Variants in RPTOR observed in about 807,000 individuals in gnomAD.
RPTOR encodes regulatory associated protein of MTOR complex 1.
RPTOR carries 21 observed loss-of-function variants against 169.9 expected under a neutral mutation model. The observed-to-expected ratio is 0.12, with a 90% CI of 0.09 to 0.18. The LOEUF (loss-of-function observed/expected upper bound fraction) is 0.18. Among genes scored for constraint, RPTOR ranks in the 10% least tolerant of loss-of-function variants. RPTOR has a pLI of 1.00. For missense variants in RPTOR, 1,133 were observed against 1,855.9 expected, an observed-to-expected ratio of 0.61 and a Z score of 7.16; for synonymous variants, 732 against 753.2, an observed-to-expected ratio of 0.97 and a Z score of 0.46.
chr17:80,888,736 C>T (rs557149123), intron 17 of RPTOR, among the ~76,000 whole-genome samples: 1 of 152,352 alleles, frequency 6.6e-6, no homozygotes, highest in East Asian at 1.9e-4. Flanking sequence ...ACTTGTCAGG[C>T]ACGTGCCACG....
chr17:80,871,404 G>C (rs1211268662), intron 13 of RPTOR, among the ~76,000 whole-genome samples: 1 of 152,212 alleles, frequency 6.6e-6, no homozygotes, highest in African/African-American at 2.4e-5. Flanking sequence ...GGGATTTGGA[G>C]AGGAAGACCA....
At chr17:80,904,818 C>T (rs1386883954) in intron 20 of RPTOR, among the ~76,000 whole-genome samples, 1 of 152,130 alleles carries the variant, frequency 6.6e-6, no homozygotes, top group South Asian at 2.1e-4. Context: ...CAGGGAAAGA[C>T]GTGAAATAAA....
rs965690953 is a variant in RPTOR, at chr17:80,743,386, A to G, written c.655-10624A>G. On this transcript the variant is annotated intron_variant, in intron 5 of 33. Coordinates refer to ENST00000306801, the MANE Select transcript of RPTOR (RefSeq NM_020761.3). ...GAGGGAGGCCTGAAGGAGATGTCTAACCTGAGCCGTAGAACGTAAGAAGTT... is the reference window on the plus strand; with the variant it reads ...GAGGGAGGCCTGAAGGAGATGTCTAGCCTGAGCCGTAGAACGTAAGAAGTT... The G allele has an allele frequency of 4.0e-5, 39 of 985,396 alleles. No homozygotes were observed. In the African/African-American group the frequency reaches 6.3e-4, roughly 16 times the overall value. 61.0% of individuals were successfully genotyped at this position (985,396 alleles called of 1,614,324 possible).
At chr17:80,734,240 C>T (rs888341167) in intron 5 of RPTOR, among the ~76,000 whole-genome samples, 2 of 152,198 alleles carry the variant, frequency 1.3e-5, no homozygotes, top group Non-Finnish European at 2.9e-5. Context: ...ACAAGGAGAG[C>T]GGAGAGCACA....
At position 80,845,149 on chromosome 17, in the gene RPTOR, G is replaced by A. The variant is rs187527374; in HGVS notation, c.1213-1324G>A. ...CCTGCAGCCTTCACGCTCTCCAGCCGCAGGCCCAGCAGCCCTGCTGCCCAC... is the reference window on the plus strand; with the variant it reads ...CCTGCAGCCTTCACGCTCTCCAGCCACAGGCCCAGCAGCCCTGCTGCCCAC... On this transcript the variant is annotated intron_variant, in intron 10 of 33. Coordinates refer to ENST00000306801, the MANE Select transcript of RPTOR (RefSeq NM_020761.3). The surrounding 1 kb of genome is among the most constrained non-coding windows in gnomAD (Gnocchi z 5.4). 2.7e-3 allele frequency among the ~76,000 whole-genome samples: 418 copies of A among 152,096 alleles called. 3 individuals are homozygous for A. The highest frequency in any genetic ancestry group is 0.02 in the Middle Eastern group (6 of 294).
intron 3 of RPTOR, among the ~76,000 whole-genome samples, chr17:80,672,771 C>G (rs182241190): frequency 3.9e-4 from 60 of 151,908 alleles, no homozygotes; most frequent in African/African-American, 1.3e-3. Flanking sequence ...GCCTGGGCGA[C>G]AGAGCGAGAC....
In RPTOR at chr17:80,910,792, T is replaced by C. The variant is rs188658802; in HGVS notation, c.2520+1863T>C. On this transcript the variant is annotated intron_variant, in intron 21 of 33. Coordinates refer to ENST00000306801, the MANE Select transcript of RPTOR (RefSeq NM_020761.3). ...AAGTTATTTTCTGTTGGTCTAGTTA[T>C]ATCTTAGATGGAAATCACCTTACCG... Among the ~76,000 whole-genome samples the C allele has an allele frequency of 2.8e-4, 43 of 152,256 alleles. No homozygotes were observed. The East Asian group carries it at 6.9e-3, about 25-fold the overall frequency.
chr17:80,871,446 A>G, intron 13 of RPTOR, among the ~76,000 whole-genome samples: 1 of 152,100 alleles, frequency 6.6e-6, no homozygotes, highest in East Asian at 1.9e-4. Context: ...TCCCGTCATA[A>G]TGAGGGTGCA....
chr17:80,713,180 T>A (rs1454228434), intron 4 of RPTOR, among the ~76,000 whole-genome samples: 1 of 152,192 alleles, frequency 6.6e-6, no homozygotes, highest in African/African-American at 2.4e-5. Flanking sequence ...GTGATTCTCC[T>A]GCCTCAACCC....
At chr17:80,645,322 C>T (rs2065586364) in intron 3 of RPTOR, among the ~76,000 whole-genome samples, 1 of 152,100 alleles carries the variant, frequency 6.6e-6, no homozygotes, top group Non-Finnish European at 1.5e-5. Context: ...CTACTTCTGG[C>T]CATCTCCTGG....
rs558660800 is a variant in RPTOR at position 80,857,913 on chromosome 17, G to A, written c.1509+13G>A. Reference sequence around the variant, plus strand: ...CGCAGTGGACAGCGTGAGTATCCCCGCCCTCCTCCCCAGAGTGATGTGAAC... The same window carrying A: ...CGCAGTGGACAGCGTGAGTATCCCCACCCTCCTCCCCAGAGTGATGTGAAC... On this transcript the variant is annotated intron_variant, in intron 13 of 33. Coordinates refer to ENST00000306801, the MANE Select transcript of RPTOR (RefSeq NM_020761.3). 5.3e-5 allele frequency: 84 copies of A among 1,596,732 alleles called. No individual in the cohort carries two copies. The highest frequency in any genetic ancestry group is 1.6e-4 in the African/African-American group (12 of 74,666).
intron 6 of RPTOR, among the ~76,000 whole-genome samples, chr17:80,789,762 T>G (rs2143488317): frequency 6.6e-6 from 1 of 152,368 alleles, no homozygotes; most frequent in East Asian, 1.9e-4. Flanking sequence ...AGAGTTACTC[T>G]CATTTTCTAA....
intron 4 of RPTOR, among the ~76,000 whole-genome samples, chr17:80,728,229 C>T (rs190814470): frequency 2.7e-4 from 41 of 152,296 alleles, no homozygotes; most frequent in Admixed American, 9.1e-4. Context: ...ATAGACACAT[C>T]TAAAAAATTC....
chr17:80,770,876 G>A (rs7208831), intron 6 of RPTOR, among the ~76,000 whole-genome samples: 1 of 151,998 alleles, frequency 6.6e-6, no homozygotes, highest in Admixed American at 6.5e-5. Flanking sequence ...CCTTAAATCG[G>A]GCATCTTCCC....
rs751152872 is a variant in RPTOR, at chr17:80,964,922, T to C, written c.*592T>C. 4 of 233,646 alleles carry C rather than the reference T, an allele frequency of 1.7e-5. No homozygotes were observed. The highest frequency in any genetic ancestry group is 3.4e-5 in the Non-Finnish European group (4 of 118,412). 14.5% of individuals were successfully genotyped at this position (233,646 alleles called of 1,614,324 possible). On this transcript the variant is annotated 3_prime_UTR_variant, in exon 34 of 34. Coordinates refer to ENST00000306801, the MANE Select transcript of RPTOR (RefSeq NM_020761.3). ...GAGACGCCCCTCCAACTGGCGGGTG[T>C]GAAGGAAGCCGCCCAGGGGTCCGGG...
At chr17:80,908,650 G>A (rs561761871) in intron 20 of RPTOR, among the ~76,000 whole-genome samples, 161 bp from the exon 21 acceptor site, 62 of 152,312 alleles carry the variant, frequency 4.1e-4, no homozygotes, top group Non-Finnish European at 7.6e-4. Flanking sequence ...CTTGAATCTC[G>A]GGACCCGTTG....
In RPTOR at chr17:80,961,489, C is replaced by G. The variant is rs760151482; in HGVS notation, c.3692+9C>G. On this transcript the variant is annotated intron_variant, in intron 31 of 33. Transcript: ENST00000306801. ...CACATCGTGAGTGTGAGGTGAGGAGCGCCGATATTTAGCAGCCGTTCTGCT... is the reference window on the plus strand; with the variant it reads ...CACATCGTGAGTGTGAGGTGAGGAGGGCCGATATTTAGCAGCCGTTCTGCT... 6.5e-7 allele frequency: 1 copy of G among 1,547,762 alleles called. No homozygotes were observed. The highest frequency in any genetic ancestry group is 8.7e-7 in the Non-Finnish European group (1 of 1,146,070).
rs7214146 is a variant in RPTOR, at chr17:80,590,493, C to T, written c.163-35198C>T. Among the ~76,000 whole-genome samples, 1,080 of 150,224 alleles carry T rather than the reference C, an allele frequency of 7.2e-3. 17 individuals are homozygous for T. The highest frequency in any genetic ancestry group is 0.025 in the African/African-American group (1,030 of 40,568). ...GTAGGCATGCAGGTATGCGCACATG[C>T]GTGCACACAGTGTCTTTAATGGTTG... On this transcript the variant is annotated intron_variant, in intron 1 of 33. Transcript: ENST00000306801.
At chr17:80,783,036 A>C (rs1450427553) in intron 6 of RPTOR, among the ~76,000 whole-genome samples, 1 of 152,162 alleles carries the variant, frequency 6.6e-6, no homozygotes. Context: ...TGATGCTCAT[A>C]AGCGTTACCT....
Sources: gnomAD v4.1 joint callset for allele counts (sites outside exome capture counted in the v4.1 genomes callset) on GRCh38, gnomAD v4.1.1 for gene constraint, Gnocchi (gnomAD v3.1) non-coding constraint, MANE v1.5 for transcripts, NCBI Gene and HGNC (gene_info 2026-07-23, HGNC 2026-07-21) for gene names.